CAMK2D: variants seen among roughly 807,000 people sequenced by gnomAD.
CAMK2D encodes the protein calcium/calmodulin dependent protein kinase II delta.
CAMK2D carries 37 observed loss-of-function variants against 84.0 expected under a neutral mutation model. The ratio of observed to expected loss-of-function variants is 0.44; its 90% confidence interval spans 0.34 to 0.58. The LOEUF (loss-of-function observed/expected upper bound fraction) is 0.58, where lower values mean the gene tolerates loss of function less well. CAMK2D is among the 20% of genes least tolerant of loss of function. CAMK2D has a pLI of 0.02. For synonymous variants in CAMK2D, 202 were observed against 212.5 expected (o/e 0.95, Z 0.43); for missense variants, 448 against 652.5 (o/e 0.69, Z 3.41).
At chr4:113,621,588 T>G (rs906530695) in intron 3 of CAMK2D, among the ~76,000 whole-genome samples, 1 of 152,238 alleles carries the variant, frequency 6.6e-6, no homozygotes, top group Non-Finnish European at 1.5e-5. Flanking sequence ...CATGAATAGT[T>G]GTACCTAAGA....
At chr4:113,492,199 G>C (rs1463125525) in intron 16 of CAMK2D, among the ~76,000 whole-genome samples, 9 of 151,796 alleles carry the variant, frequency 5.9e-5, no homozygotes, top group Non-Finnish European at 1.2e-4. Context: ...GAATGTGTTT[G>C]CTCTTGCTTT....
At chr4:113,710,500 A>T (rs2040743) in intron 2 of CAMK2D, among the ~76,000 whole-genome samples, 29,701 of 152,106 alleles carry the variant, frequency 0.2, 5,658 homozygotes, top group African/African-American at 0.5. Context: ...ACAACACACA[A>T]CAATCACAGC....
At chr4:113,524,170 C>G (rs1405174528) in intron 8 of CAMK2D, among the ~76,000 whole-genome samples, 2 of 152,188 alleles carry the variant, frequency 1.3e-5, no homozygotes, top group Non-Finnish European at 2.9e-5. Context: ...CCATGTCCAG[C>G]CAGATGCACA....
chr4:113,620,663 A>C (rs1318886769), intron 3 of CAMK2D, among the ~76,000 whole-genome samples: 1 of 151,966 alleles, frequency 6.6e-6, no homozygotes, highest in Non-Finnish European at 1.5e-5. Flanking sequence ...GTGCACCTAC[A>C]TGCCCAGCTA....
intron 3 of CAMK2D, among the ~76,000 whole-genome samples, chr4:113,637,608 T>A (rs916482333): frequency 9.9e-5 from 15 of 152,256 alleles, no homozygotes; most frequent in African/African-American, 2.9e-4. Context: ...AATCAAAAAT[T>A]TTTAGCTGCA....
chr4:113,499,214 C>A (rs1042607139), intron 16 of CAMK2D, among the ~76,000 whole-genome samples: 26 of 152,110 alleles, frequency 1.7e-4, no homozygotes, highest in African/African-American at 6.3e-4. Context: ...CATAAAACTA[C>A]TTCAGTTCAA....
intron 4 of CAMK2D, among the ~76,000 whole-genome samples, chr4:113,566,286 A>G (rs75117592): frequency 0.035 from 5,391 of 152,302 alleles, 147 homozygotes; most frequent in Non-Finnish European, 0.052. Context: ...CTTTTGCAAT[A>G]TATGTGTAGA....
intron 3 of CAMK2D, among the ~76,000 whole-genome samples, chr4:113,637,704 T>C (rs1053098839): frequency 2.0e-5 from 3 of 152,160 alleles, no homozygotes; most frequent in African/African-American, 4.8e-5. Flanking sequence ...GATGTAAATT[T>C]CTATAAAATA....
At chr4:113,511,410 T>TAAAC (rs575461285) in intron 12 of CAMK2D, among the ~76,000 whole-genome samples, 1 of 152,148 alleles carries the variant, frequency 6.6e-6, no homozygotes, top group African/African-American at 2.4e-5. Flanking sequence ...AACTGTGAGG[T>TAAAC]AAACAAAAAG....
At chr4:113,755,202 A>C in intron 2 of CAMK2D, 1 of 272,622 alleles carries the variant, frequency 3.7e-6, no homozygotes, top group Non-Finnish European at 5.6e-6. Context: ...ACACACACAC[A>C]CACACAAAAC....
chr4:113,570,828 A>G (rs935823889), intron 4 of CAMK2D, among the ~76,000 whole-genome samples: 5 of 152,100 alleles, frequency 3.3e-5, no homozygotes, highest in African/African-American at 1.2e-4. Flanking sequence ...CTTCTGCTCA[A>G]AAAAGGAAAC....
intron 2 of CAMK2D, among the ~76,000 whole-genome samples, chr4:113,726,556 T>TTGTC (rs1400537018): frequency 6.7e-6 from 1 of 149,854 alleles, no homozygotes; most frequent in Non-Finnish European, 1.5e-5. Flanking sequence ...TAATTTTTGT[T>TTGTC]TGTTTGTTTG....
At chr4:113,507,437 G>T (rs942342442) in intron 13 of CAMK2D, among the ~76,000 whole-genome samples, 3 of 146,576 alleles carry the variant, frequency 2.0e-5, no homozygotes, top group Non-Finnish European at 1.5e-5. Context: ...TTGTTTGTTT[G>T]TTTTTTTTTT....
At position 113,451,615 on chromosome 4, in the gene CAMK2D, A is replaced by T. The variant is rs1408684370; in HGVS notation, c.*2930T>A. On this transcript the variant is annotated 3_prime_UTR_variant, in exon 21 of 21. Transcript: ENST00000511664. ...CTGGGTACCCCTTGAGGCTTCTGTT[A>T]TCAAAAGGGCTTGGCCTCAATTCAA... 6.6e-6 allele frequency: 1 copy of T among 152,208 alleles called. No homozygotes were observed. The highest frequency in any genetic ancestry group is 1.5e-5 in the Non-Finnish European group (1 of 68,058). The allele number at this position is 152,208 out of a possible 1,614,324, so 9.4% of individuals were successfully genotyped here.
chr4:113,692,530 A>C (rs1051250952), intron 2 of CAMK2D, among the ~76,000 whole-genome samples: 3 of 152,072 alleles, frequency 2.0e-5, no homozygotes, highest in African/African-American at 7.2e-5. Context: ...ACATATTCAT[A>C]TATCATACAT....
At chr4:113,705,767 G>A (rs1305175607) in intron 2 of CAMK2D, among the ~76,000 whole-genome samples, 3 of 152,088 alleles carry the variant, frequency 2.0e-5, no homozygotes, top group Non-Finnish European at 4.4e-5. Flanking sequence ...AAATTTAATG[G>A]GAAGAAATAT....
intron 2 of CAMK2D, among the ~76,000 whole-genome samples, chr4:113,709,745 CGATATATATATATA>C (rs1449529798): frequency 8.1e-5 from 2 of 24,638 alleles, no homozygotes; most frequent in African/African-American, 5.0e-4. Context: ...AAGCCGTGAA[CGATATATATATATA>C]TATATATATA....
At chr4:113,649,753 C>T (rs900337906) in intron 3 of CAMK2D, among the ~76,000 whole-genome samples, 37 of 152,084 alleles carry the variant, frequency 2.4e-4, no homozygotes, top group African/African-American at 7.7e-4. Flanking sequence ...ACAGAGTTAG[C>T]GCTATTCAAC....
chr4:113,705,726 A>G (rs2154351373), intron 2 of CAMK2D, among the ~76,000 whole-genome samples: 1 of 152,300 alleles, frequency 6.6e-6, no homozygotes, highest in Admixed American at 6.5e-5. Flanking sequence ...TAGACTGGAG[A>G]CTGTATTTTC....
Sources: allele counts gnomAD v4.1 joint callset (sites outside exome capture counted in the v4.1 genomes callset), GRCh38; gene constraint gnomAD v4.1.1; transcripts MANE v1.5; gene names NCBI Gene and HGNC (gene_info 2026-07-23, HGNC 2026-07-21).